The following OSBPL9 variants were observed in gnomAD, a reference collection of about 807,000 sequenced individuals.
OSBPL9 encodes the protein oxysterol-binding protein-related protein 9.
In OSBPL9, 40 loss-of-function variants were observed where a neutral mutation model predicts 106.6. That is an observed-to-expected ratio of 0.38 (90% CI 0.29 to 0.49). The LOEUF (loss-of-function observed/expected upper bound fraction) is 0.49, where lower values mean the gene tolerates loss of function less well. Among genes scored for constraint, OSBPL9 ranks in the 20% least tolerant of loss-of-function variants. The probability of loss-of-function intolerance (pLI) is 0.97; values close to 1 mark genes in which losing one functional copy is unlikely to be tolerated. For synonymous variants in OSBPL9, 269 were observed against 295.4 expected (o/e 0.91, Z 0.92); for missense variants, 609 against 887.2 (o/e 0.69, Z 3.98).
chr1:51,663,629 A>G (rs1469824232), intron 2 of OSBPL9, among the ~76,000 whole-genome samples: 1 of 152,252 alleles, frequency 6.6e-6, no homozygotes, highest in African/African-American at 2.4e-5. Flanking sequence ...GCAGAACTAT[A>G]AAATGTAAAG....
intron 1 of OSBPL9, among the ~76,000 whole-genome samples, chr1:51,627,013 T>C (rs571076705): frequency 6.6e-6 from 1 of 152,204 alleles, no homozygotes; most frequent in Admixed American, 6.5e-5. Context: ...TTTTTTTGTT[T>C]GTTTATTTTG....
At chr1:51,787,642 GA>G in intron 23 of OSBPL9, 72 bp from the exon 24 acceptor site, 1 of 1,589,848 alleles carries the variant, frequency 6.3e-7, no homozygotes, top group Non-Finnish European at 8.6e-7. Flanking sequence ...GTGGGGAGCA[GA>G]TATGAAATAG....
rs548678224 is a variant in OSBPL9, at chr1:51,713,280, A to G, written c.242-723A>G. Among the ~76,000 whole-genome samples the G allele has an allele frequency of 2.4e-3, 359 of 151,864 alleles. 1 individual carries two copies. Among genetic ancestry groups the G allele is most frequent in the African/African-American group, 8.3e-3 (344 of 41,430 alleles). ...TTCTCCTGCCTCAGCCTCCTGAGTT[A>G]CTGGGATTACAGGGACCCGCCACCA... is the stretch of plus-strand genomic sequence containing the variant. On this transcript the variant is annotated intron_variant, in intron 3 of 23. Transcript: ENST00000428468.
chr1:51,727,131 C>CT (rs34741660), intron 4 of OSBPL9, among the ~76,000 whole-genome samples: 13,701 of 107,288 alleles, frequency 0.13, 895 homozygotes, highest in Admixed American at 0.18. Context: ...GAGATGTAGG[C>CT]TTTTTTTTTT....
chr1:51,711,506 G>GT (rs1659893394), intron 3 of OSBPL9, among the ~76,000 whole-genome samples: 1 of 124,526 alleles, frequency 8.0e-6, no homozygotes, highest in Non-Finnish European at 1.7e-5. Context: ...CTGGCCGGGC[G>GT]GGGGGCTGAC....
upstream of OSBPL9, among the ~76,000 whole-genome samples, chr1:51,576,625 T>G (rs1645185700): frequency 6.6e-6 from 1 of 152,044 alleles, no homozygotes; most frequent in Non-Finnish European, 1.5e-5. Flanking sequence ...TCTCCTGGGC[T>G]CAAGCAATCC....
chr1:51,596,162 A>G (rs572709909), intron 1 of OSBPL9, among the ~76,000 whole-genome samples: 2 of 151,056 alleles, frequency 1.3e-5, no homozygotes, highest in South Asian at 4.2e-4. Flanking sequence ...GGGAGGCTGA[A>G]GCAGGAGAAT....
upstream of OSBPL9, chr1:51,617,010 G>A (rs913957938): frequency 3.4e-6 from 5 of 1,472,366 alleles, no homozygotes; most frequent in Non-Finnish European, 4.5e-6. Context: ...CCCAGGACCC[G>A]CCCAGGACCC....
intron 17 of OSBPL9, among the ~76,000 whole-genome samples, chr1:51,783,625 G>A (rs1448826981): frequency 6.6e-6 from 1 of 152,174 alleles, no homozygotes; most frequent in Non-Finnish European, 1.5e-5. Flanking sequence ...GCCTAGGTTG[G>A]GGCTGGAGCC....
chr1:51,560,241 C>T, the OSBPL9 span, among the ~76,000 whole-genome samples: 1 of 152,162 alleles, frequency 6.6e-6, no homozygotes, highest in East Asian at 1.9e-4. Context: ...GCTGTGGCTT[C>T]CAGAGGCTCT....
the OSBPL9 span, among the ~76,000 whole-genome samples, chr1:51,569,344 C>T: frequency 6.6e-6 from 1 of 152,126 alleles, no homozygotes; most frequent in Admixed American, 6.5e-5. Flanking sequence ...CATGTGCCTC[C>T]CCACCTCTGT....
chr1:51,652,108 T>C (rs1257685722), intron 2 of OSBPL9, 67 bp downstream of exon 2: 10 of 1,252,626 alleles, frequency 8.0e-6, no homozygotes, highest in Non-Finnish European at 9.0e-6. Flanking sequence ...GATAGAATTA[T>C]GGAAGTCTAA....
At chr1:51,575,486 C>T (rs1645178010), upstream of OSBPL9, among the ~76,000 whole-genome samples, 2 of 151,864 alleles carry the variant, frequency 1.3e-5, no homozygotes, top group Non-Finnish European at 2.9e-5. Context: ...GCTAGGATTA[C>T]AGGCGTGAGC....
intron 3 of OSBPL9, among the ~76,000 whole-genome samples, chr1:51,692,937 T>C (rs1655274705): frequency 6.6e-6 from 1 of 152,168 alleles, no homozygotes; most frequent in Non-Finnish European, 1.5e-5. Flanking sequence ...GAATTGAGAA[T>C]GCTCGGTTAG....
intron 2 of OSBPL9, among the ~76,000 whole-genome samples, chr1:51,606,853 C>G (rs1283437917): frequency 6.6e-6 from 1 of 151,990 alleles, no homozygotes; most frequent in East Asian, 1.9e-4. Context: ...TCGAGACTAG[C>G]CTGGCTAACA....
chr1:51,530,170 C>CAAAAAAAAAAAAAAAAAAA, the OSBPL9 span, among the ~76,000 whole-genome samples: 9 of 11,030 alleles, frequency 8.2e-4, no homozygotes, highest in South Asian at 3.4e-3. Flanking sequence ...GACTCTGTCT[C>CAAAAAAAAAAAAAAAAAAA]AAAAAAAAAA....
intron 3 of OSBPL9, among the ~76,000 whole-genome samples, chr1:51,698,532 A>C (rs1013445469): frequency 6.6e-6 from 1 of 152,202 alleles, no homozygotes; most frequent in Non-Finnish European, 1.5e-5. Flanking sequence ...AAGTTATCAA[A>C]TGTACTTCTT....
chr1:51,583,269 G>A (rs1038198323), intron 1 of OSBPL9, among the ~76,000 whole-genome samples: 1 of 152,096 alleles, frequency 6.6e-6, no homozygotes, highest in Non-Finnish European at 1.5e-5. Context: ...AGCTACACAG[G>A]TAGAATGCCA....
At chr1:51,548,072 T>C in the OSBPL9 span, among the ~76,000 whole-genome samples, 1 of 152,092 alleles carries the variant, frequency 6.6e-6, no homozygotes, top group South Asian at 2.1e-4. Context: ...ATTTTCAAAA[T>C]TAAATATACA....
Sources: allele counts gnomAD v4.1 joint callset (sites outside exome capture counted in the v4.1 genomes callset), GRCh38; gene constraint gnomAD v4.1.1; transcripts MANE v1.5; gene names NCBI Gene and HGNC (gene_info 2026-07-23, HGNC 2026-07-21).